Variants in AGMO observed in about 807,000 individuals in gnomAD.
The protein encoded by AGMO is alkylglycerol monooxygenase, also known as glyceryl-ether monooxygenase.
Under a neutral mutation model 60.2 loss-of-function variants are expected in AGMO, and 75 were observed. That is an observed-to-expected ratio of 1.25 (90% CI 1.03 to 1.51). AGMO has a LOEUF of 1.51. Ranked by LOEUF, AGMO falls within the 40% of genes most tolerant of loss-of-function variation. AGMO has a pLI of 0.00. For missense variants in AGMO, 763 were observed against 525.5 expected, an observed-to-expected ratio of 1.45 and a Z score of -4.42; for synonymous variants, 261 against 177.1, an observed-to-expected ratio of 1.47 and a Z score of -3.76.
intron 3 of AGMO, among the ~76,000 whole-genome samples, chr7:15,477,044 T>C (rs1351568512): frequency 6.6e-6 from 1 of 152,090 alleles, no homozygotes; most frequent in Admixed American, 6.6e-5. Context: ...GTCCTCTTTT[T>C]CATTGAATGG....
At chr7:15,272,364 G>A (rs1029446317) in intron 12 of AGMO, among the ~76,000 whole-genome samples, 1 of 145,532 alleles carries the variant, frequency 6.9e-6, no homozygotes, top group African/African-American at 2.6e-5. Flanking sequence ...CCACCTATGA[G>A]TGAGAACATG....
At chr7:15,511,811 C>G (rs1281495439) in intron 3 of AGMO, among the ~76,000 whole-genome samples, 2 of 151,438 alleles carry the variant, frequency 1.3e-5, no homozygotes, top group African/African-American at 4.8e-5. Flanking sequence ...ACTTACAAAA[C>G]AAAAAAGAGG....
intron 12 of AGMO, among the ~76,000 whole-genome samples, chr7:15,331,652 C>T (rs975629693): frequency 2.6e-5 from 4 of 152,056 alleles, no homozygotes; most frequent in Non-Finnish European, 4.4e-5. Flanking sequence ...GCCGACCAGG[C>T]GCGGTGGCTC....
chr7:15,372,220 G>A (rs1023261158), intron 10 of AGMO, among the ~76,000 whole-genome samples: 7 of 152,088 alleles, frequency 4.6e-5, no homozygotes, highest in African/African-American at 1.4e-4. Context: ...CGACGCTGAG[G>A]TGAGCGGATC....
intron 12 of AGMO, among the ~76,000 whole-genome samples, chr7:15,322,677 T>TATATAA (rs1781195459): frequency 1.5e-5 from 1 of 68,802 alleles, no homozygotes. Context: ...TATAAATATA[T>TATATAA]GTATATATAA....
At chr7:15,209,200 A>G (rs1781514060) in intron 12 of AGMO, among the ~76,000 whole-genome samples, 1 of 152,178 alleles carries the variant, frequency 6.6e-6, no homozygotes, top group Non-Finnish European at 1.5e-5. Context: ...ACATAAATAA[A>G]GAGTCTAAGG....
intron 12 of AGMO, among the ~76,000 whole-genome samples, chr7:15,345,165 A>G (rs1781986917): frequency 6.6e-6 from 1 of 152,234 alleles, no homozygotes; most frequent in Non-Finnish European, 1.5e-5. Flanking sequence ...TTGCATCAGT[A>G]GTATGGCCTG....
intron 10 of AGMO, among the ~76,000 whole-genome samples, chr7:15,368,719 G>A (rs1352516909): frequency 6.6e-6 from 1 of 152,064 alleles, no homozygotes; most frequent in African/African-American, 2.4e-5. Context: ...GAGCAACTGA[G>A]AAGCATAAAT....
rs191246837 is a variant in AGMO at position 15,547,575 on chromosome 7, G to T, written c.258-2652C>A. On this transcript the variant is annotated intron_variant, in intron 2 of 12. Coordinates refer to ENST00000342526, the MANE Select transcript of AGMO (RefSeq NM_001004320.2). ...GGTGACAGACGCACCTGGAAAATCG[G>T]GTCACTCCCACACGAATATTGCGCT... is the stretch of plus-strand genomic sequence containing the variant. Among the ~76,000 whole-genome samples, 909 of 152,158 alleles carry T rather than the reference G, an allele frequency of 6.0e-3. 9 individuals carry two copies. Among genetic ancestry groups the T allele is most frequent in the South Asian group, 0.014 (68 of 4,814 alleles).
intron 5 of AGMO, among the ~76,000 whole-genome samples, chr7:15,395,681 T>C (rs566473439): frequency 6.6e-6 from 1 of 151,742 alleles, no homozygotes; most frequent in East Asian, 1.9e-4. Flanking sequence ...TATATAAATT[T>C]ATTGTTATTC....
chr7:15,492,950 T>C (rs1269411679), intron 3 of AGMO, among the ~76,000 whole-genome samples: 1 of 152,162 alleles, frequency 6.6e-6, no homozygotes, highest in African/African-American at 2.4e-5. Flanking sequence ...CTTTCGTCTC[T>C]TATGATGGGA....
At chr7:15,204,318 CATTT>C (rs1781385561) in intron 12 of AGMO, among the ~76,000 whole-genome samples, 1 of 152,022 alleles carries the variant, frequency 6.6e-6, no homozygotes, top group African/African-American at 2.4e-5. Flanking sequence ...TGTATTACGC[CATTT>C]ATTTTAGGTC....
At chr7:15,276,891 C>CTTTTT (rs34137663) in intron 12 of AGMO, among the ~76,000 whole-genome samples, 1 of 139,386 alleles carries the variant, frequency 7.2e-6, no homozygotes, top group Admixed American at 7.1e-5. Flanking sequence ...GCCATTTTTC[C>CTTTTT]TTTTTTTTTT....
At chr7:15,266,438 G>A (rs1476977452) in intron 12 of AGMO, among the ~76,000 whole-genome samples, 1 of 152,002 alleles carries the variant, frequency 6.6e-6, no homozygotes, top group Non-Finnish European at 1.5e-5. Flanking sequence ...AAGGGCTCAT[G>A]TGAAAGATTT....
chr7:15,354,496 G>GTGTATATACGCGTGTATA (rs1390155386), intron 12 of AGMO, among the ~76,000 whole-genome samples: 1 of 18,778 alleles, frequency 5.3e-5, no homozygotes, highest in Non-Finnish European at 9.2e-5. Context: ...ATACACACGT[G>GTGTATATACGCGTGTATA]TATATATATA....
chr7:15,193,794 A>AT, the AGMO span, among the ~76,000 whole-genome samples: 38 of 152,206 alleles, frequency 2.5e-4, no homozygotes, highest in Non-Finnish European at 4.9e-4. Context: ...GATTTAGAAA[A>AT]TTTTTTTCAA....
chr7:15,290,539 T>C (rs999905971), intron 12 of AGMO, among the ~76,000 whole-genome samples: 35 of 152,172 alleles, frequency 2.3e-4, no homozygotes, highest in Non-Finnish European at 3.7e-4. Flanking sequence ...ATGGCTCTCA[T>C]ATGCTTTCTG....
At chr7:15,430,595 G>GGT (rs1554271273) in intron 4 of AGMO, among the ~76,000 whole-genome samples, 1 of 134,286 alleles carries the variant, frequency 7.4e-6, no homozygotes, top group African/African-American at 2.8e-5. Flanking sequence ...AGAATTAGTT[G>GGT]TTTTTTTTAA....
intron 12 of AGMO, among the ~76,000 whole-genome samples, chr7:15,291,325 G>A (rs942439431): frequency 5.3e-5 from 8 of 152,042 alleles, no homozygotes; most frequent in African/African-American, 1.9e-4. Context: ...TATATCCAAT[G>A]GGAAACGTTA....
Sources: allele counts gnomAD v4.1 joint callset (sites outside exome capture counted in the v4.1 genomes callset), GRCh38; gene constraint gnomAD v4.1.1; transcripts MANE v1.5; gene names NCBI Gene and HGNC (gene_info 2026-07-23, HGNC 2026-07-21).